The following FBXO3 variants were observed in gnomAD, a reference collection of about 807,000 sequenced individuals.
The protein encoded by FBXO3 is F-box protein 3.
Under a neutral mutation model 64.8 loss-of-function variants are expected in FBXO3, and 17 were observed. The observed-to-expected ratio is 0.26, with a 90% CI of 0.18 to 0.39. The LOEUF is 0.39. Ranked by LOEUF, FBXO3 falls within the 10% of genes least tolerant of loss-of-function variation. The pLI, the probability that FBXO3 is intolerant of heterozygous loss-of-function variation, is 1.00. For synonymous variants in FBXO3, 182 were observed against 201.6 expected, an observed-to-expected ratio of 0.90 and a Z score of 0.82; for missense variants, 420 against 589.9, an observed-to-expected ratio of 0.71 and a Z score of 2.98.
intron 10 of FBXO3, chr11:33,746,898 AG>A: frequency 7.0e-7 from 1 of 1,422,966 alleles, no homozygotes; most frequent in Non-Finnish European, 9.1e-7. Context: ...GCCACTGAAC[AG>A]TGAAAAACAA....
intron 10 of FBXO3, chr11:33,742,822 A>G (rs1854718876): frequency 6.6e-6 from 1 of 152,100 alleles, no homozygotes; most frequent in South Asian, 2.1e-4. Context: ...AAACAGCAAC[A>G]GTCATTATTA....
At chr11:33,760,668 G>A (rs7941387) in intron 3 of FBXO3, among the ~76,000 whole-genome samples, 26,187 of 152,074 alleles carry the variant, frequency 0.17, 2,428 homozygotes, top group Non-Finnish European at 0.2. Context: ...AACAATAGAA[G>A]TCAGAAGAAT....
chr11:33,747,905 T>C (rs1227542553), intron 9 of FBXO3, among the ~76,000 whole-genome samples: 3 of 147,852 alleles, frequency 2.0e-5, no homozygotes, highest in African/African-American at 5.0e-5. Flanking sequence ...AGAACAGGCA[T>C]GTTTCTTTTT....
In FBXO3 at chr11:33,741,937, G is replaced by T; in HGVS notation, c.1387C>A (p.Arg463Ser). Residue 463 changes from arginine (R) to serine (S), a missense_variant, in exon 11 of 11, where the codon CGC (arginine) becomes AGC (serine). Transcript: ENST00000265651. ...AAAAGGCGTGAGCAGCGGCGTCTGCGAATGGGAACATCAAAGACTCTCCTC... is the reference window on the plus strand; with the variant it reads ...AAAAGGCGTGAGCAGCGGCGTCTGCTAATGGGAACATCAAAGACTCTCCTC... ...RRRRVFDVPI[R>S]RRRCSRLF 6.2e-7 allele frequency: 1 copy of T among 1,613,356 alleles called. No homozygotes were observed. The highest frequency in any genetic ancestry group is 8.5e-7 in the Non-Finnish European group (1 of 1,179,620).
At chr11:33,758,140 A>G (rs1855154565) in intron 4 of FBXO3, among the ~76,000 whole-genome samples, 1 of 152,118 alleles carries the variant, frequency 6.6e-6, no homozygotes, top group South Asian at 2.1e-4. Flanking sequence ...AAGCTCCCAA[A>G]ATAATTTGCC....
Position 33,743,538 on chromosome 11 carries a change from C to T in FBXO3, c.1240-1454G>A, listed in dbSNP as rs186719228. ...CGTGATGTCAGCCAGAGTCCTTCCA[C>T]CAAGGCTTTTATGGTGTTACGTGAT... On this transcript the variant is annotated intron_variant, in intron 10 of 10. Transcript: ENST00000265651. This position sits in a 1 kb window ranked among gnomAD's most constrained non-coding sequence, Gnocchi z 4.6. 2.6e-5 allele frequency: 4 copies of T among 152,426 alleles called. No homozygotes were observed. In the East Asian group the frequency reaches 7.7e-4, roughly 29 times the overall value. 9.4% of individuals were successfully genotyped at this position (152,426 alleles called of 1,614,324 possible). A position where few individuals can be genotyped will look rare whatever the true frequency, so the allele number is the denominator to read the frequency against.
In FBXO3 at chr11:33,743,032, C is replaced by G. The variant is rs114595461; in HGVS notation, c.1240-948G>C. The G allele has an allele frequency of 1.3e-5, 2 of 152,240 alleles. No individual in the cohort carries two copies. The allele number at this position is 152,240 out of a possible 1,614,324, so 9.4% of individuals were successfully genotyped here. A position where few individuals can be genotyped will look rare whatever the true frequency, so the allele number is the denominator to read the frequency against. On this transcript the variant is annotated intron_variant, in intron 10 of 10. Transcript: ENST00000265651. This position sits in a 1 kb window ranked among gnomAD's most constrained non-coding sequence, Gnocchi z 4.6. ...ACAGCTGGGGCTCCTGGGTGCCTCC[C>G]TCTATCTCTGTGTGATGTCTCTACA...
intron 6 of FBXO3, among the ~76,000 whole-genome samples, 172 bp from the exon 7 acceptor site, chr11:33,751,779 C>G (rs1854966196): frequency 6.6e-6 from 1 of 152,166 alleles, no homozygotes; most frequent in African/African-American, 2.4e-5. Context: ...TCAATTCTAT[C>G]CACCTTATTT....
chr11:33,754,679 C>T (rs1855048228), intron 5 of FBXO3, among the ~76,000 whole-genome samples, 179 bp from the exon 6 acceptor site: 1 of 152,092 alleles, frequency 6.6e-6, no homozygotes, highest in African/African-American at 2.4e-5. Flanking sequence ...GAGATCCGAA[C>T]AGTTCTAGGT....
At chr11:33,748,663 G>A (rs1270599741) in intron 9 of FBXO3, 114 bp downstream of exon 9, 2 of 555,638 alleles carry the variant, frequency 3.6e-6, no homozygotes, top group Admixed American at 6.2e-5. Flanking sequence ...AATGCTTAAG[G>A]GATTAAATTA....
intron 4 of FBXO3, chr11:33,757,050 T>C (rs1337976420): frequency 1.9e-6 from 1 of 518,960 alleles, no homozygotes; most frequent in South Asian, 1.4e-5. Flanking sequence ...GACTTCTGAA[T>C]ACCTTATAAT....
Position 33,755,851 on chromosome 11 carries a change from T to C in FBXO3, c.598A>G (p.Ile200Val), listed in dbSNP as rs772298819. 1 of 1,614,146 alleles carries C rather than the reference T, an allele frequency of 6.2e-7. No homozygotes were observed. The highest frequency in any genetic ancestry group is 2.2e-5 in the East Asian group (1 of 44,882). Residue 200 changes from isoleucine (I) to valine (V), a missense_variant, in exon 5 of 11, where the codon ATA (isoleucine) becomes GTA (valine). By Grantham distance (29) the Ile-to-Val change is conservative (BLOSUM62 3). This residue lies in a region of FBXO3 where 337 missense variants were observed against 518.4 expected (regional missense o/e 0.65). Transcript: ENST00000265651. The part of the protein sequence containing the change: ...LKYCLPLTFC[I>V]HTGLSQYIAV... ...ATGTACTGACTCAAACCAGTATGTA[T>C]GCAAAAAGTTAAAGGGAGACAGTAT...
chr11:33,746,873 A>C (rs561826187), intron 10 of FBXO3: 138 of 1,416,006 alleles, frequency 9.7e-5, no homozygotes, highest in Non-Finnish European at 1.2e-4. Flanking sequence ...GGTATTTCTC[A>C]TAATCTACAT....
At chr11:33,774,520 TG>T, upstream of FBXO3, 1 of 1,458,208 alleles carries the variant, frequency 6.9e-7, no homozygotes, top group Non-Finnish European at 9.0e-7. Flanking sequence ...GGTGCAGGTC[TG>T]GCCCCGCCCT....
chr11:33,758,344 T>C, intron 4 of FBXO3, 143 bp downstream of exon 4: 2 of 500,098 alleles, frequency 4.0e-6, no homozygotes, highest in Non-Finnish European at 3.5e-6. Context: ...ATAGATTTTG[T>C]CTTATGGATT....
intron 10 of FBXO3, chr11:33,746,679 A>T (rs921925111): frequency 8.1e-7 from 1 of 1,227,176 alleles, no homozygotes; most frequent in Non-Finnish European, 1.1e-6. Flanking sequence ...TTTAAAAAAT[A>T]TACCTAGTTG....
At chr11:33,765,382 G>T (rs545142837) in intron 3 of FBXO3, among the ~76,000 whole-genome samples, 1 of 152,156 alleles carries the variant, frequency 6.6e-6, no homozygotes, top group Non-Finnish European at 1.5e-5. Context: ...GGAAAGAAAC[G>T]AATATTTATA....
rs1854734610 is a variant in FBXO3, at chr11:33,743,421, T to TG, written c.1240-1338dup. ...CTGTCAATGTTCTCTCTCACACATTTGAAGACGCAATGGGAGGGGCTGCTA... is the reference window on the plus strand; with the variant it reads ...CTGTCAATGTTCTCTCTCACACATTTGGAAGACGCAATGGGAGGGGCTGCTA... On this transcript the variant is annotated intron_variant, in intron 10 of 10. Transcript: ENST00000265651. This position sits in a 1 kb window ranked among gnomAD's most constrained non-coding sequence, Gnocchi z 4.6. The TG allele has an allele frequency of 6.6e-6, 1 of 152,228 alleles. No individual in the cohort carries two copies. Among genetic ancestry groups the TG allele is most frequent in the Non-Finnish European group, 1.5e-5 (1 of 68,038 alleles). The allele number at this position is 152,228 out of a possible 1,614,324, so 9.4% of individuals were successfully genotyped here.
chr11:33,743,567 C>T lies in FBXO3; in HGVS notation c.1240-1483G>A, dbSNP rs1195124977. The stretch of plus-strand genomic sequence containing the variant: ...GGCTTTTATGGTGTTACGTGATCCA[C>T]CACCCCATTAACACTCTGATCTAAT... On this transcript the variant is annotated intron_variant, in intron 10 of 10. Coordinates refer to ENST00000265651, the MANE Select transcript of FBXO3 (RefSeq NM_012175.4). This position sits in a 1 kb window ranked among gnomAD's most constrained non-coding sequence, Gnocchi z 4.6. 6.6e-6 allele frequency: 1 copy of T among 152,294 alleles called. No homozygotes were observed. Among genetic ancestry groups the T allele is most frequent in the South Asian group, 2.1e-4 (1 of 4,832 alleles). 9.4% of individuals were successfully genotyped at this position (152,294 alleles called of 1,614,324 possible). A position where few individuals can be genotyped will look rare whatever the true frequency, so the allele number is the denominator to read the frequency against.
Sources: gnomAD v4.1 joint callset for allele counts (sites outside exome capture counted in the v4.1 genomes callset) on GRCh38, gnomAD v4.1.1 for gene constraint, gnomAD v4.1.1 regional missense constraint, Gnocchi (gnomAD v3.1) non-coding constraint, MANE v1.5 for transcripts, NCBI Gene and HGNC (gene_info 2026-07-23, HGNC 2026-07-21) for gene names.